ITGBL1: variants seen among roughly 807,000 people sequenced by gnomAD.
ITGBL1 encodes the protein integrin subunit beta like 1, also known as integrin beta-like protein 1.
Under a neutral mutation model 68.5 loss-of-function variants are expected in ITGBL1, and 51 were observed. The observed-to-expected ratio is 0.74, with a 90% CI of 0.59 to 0.94. ITGBL1 has a LOEUF of 0.94. Ranked by LOEUF, ITGBL1 falls within the 40% of genes least tolerant of loss-of-function variation. The probability of loss-of-function intolerance (pLI) is 0.00; values close to 1 mark genes in which losing one functional copy is unlikely to be tolerated. For synonymous variants in ITGBL1, 209 were observed against 227.3 expected, an observed-to-expected ratio of 0.92 and a Z score of 0.72; for missense variants, 649 against 647.4, an observed-to-expected ratio of 1.00 and a Z score of -0.03.
chr13:101,492,062 T>C (rs2048787482), intron 2 of ITGBL1, among the ~76,000 whole-genome samples: 1 of 152,228 alleles, frequency 6.6e-6, no homozygotes, highest in Admixed American at 6.5e-5. Flanking sequence ...TTCCAAGTCT[T>C]TGCTATTGTG....
At chr13:101,672,785 C>T (rs114283031) in intron 7 of ITGBL1, among the ~76,000 whole-genome samples, 178 of 152,194 alleles carry the variant, frequency 1.2e-3, no homozygotes, top group African/African-American at 3.6e-3. Context: ...TTAAACTTTC[C>T]GCTCCTTAAC....
chr13:101,620,783 A>G (rs1594935707), intron 7 of ITGBL1, among the ~76,000 whole-genome samples: 1 of 152,118 alleles, frequency 6.6e-6, no homozygotes, highest in Non-Finnish European at 1.5e-5. Context: ...TAAAACACGT[A>G]TGTCATCTAT....
At chr13:101,586,214 T>C (rs931280744) in intron 6 of ITGBL1, among the ~76,000 whole-genome samples, 8 of 152,220 alleles carry the variant, frequency 5.3e-5, no homozygotes, top group African/African-American at 1.9e-4. Context: ...TTCCTTTTTC[T>C]CACATTTTCC....
chr13:101,686,940 G>A lies in ITGBL1; in HGVS notation c.1016-5645G>A, dbSNP rs190334278. Reference sequence around the variant, plus strand: ...TTTTGAGATAGTTATATAGAAAATTGGGCTTAAGGTTAGAATGAGATAATG... The same window carrying A: ...TTTTGAGATAGTTATATAGAAAATTAGGCTTAAGGTTAGAATGAGATAATG... On this transcript the variant is annotated intron_variant, in intron 7 of 10. Transcript: ENST00000376180. 3.9e-4 allele frequency among the ~76,000 whole-genome samples: 60 copies of A among 152,110 alleles called. No homozygotes were observed. In the East Asian group the frequency reaches 0.011, roughly 27 times the overall value.
chr13:101,460,462 A>C (rs866325926), intron 2 of ITGBL1, among the ~76,000 whole-genome samples: 4 of 152,178 alleles, frequency 2.6e-5, no homozygotes, highest in South Asian at 2.1e-4. Context: ...GTGTTCGATA[A>C]ATGCATATTG....
At chr13:101,624,605 T>C (rs1031555205) in intron 7 of ITGBL1, among the ~76,000 whole-genome samples, 5 of 152,132 alleles carry the variant, frequency 3.3e-5, no homozygotes, top group Admixed American at 3.3e-4. Context: ...CTTTGCCGAG[T>C]CCTGACACAG....
chr13:101,530,964 A>G (rs1341354941), intron 2 of ITGBL1, among the ~76,000 whole-genome samples: 1 of 152,146 alleles, frequency 6.6e-6, no homozygotes, highest in Non-Finnish European at 1.5e-5. Context: ...AAGTAAAATC[A>G]TGTTCGAAAG....
intron 6 of ITGBL1, among the ~76,000 whole-genome samples, chr13:101,590,428 G>A (rs1437827576): frequency 2.6e-5 from 4 of 151,938 alleles, no homozygotes; most frequent in Non-Finnish European, 5.9e-5. Context: ...CTCCTGTGGG[G>A]CACGTCACTG....
At chr13:101,671,910 T>C (rs1274290016) in intron 7 of ITGBL1, among the ~76,000 whole-genome samples, 1 of 152,200 alleles carries the variant, frequency 6.6e-6, no homozygotes, top group East Asian at 1.9e-4. Context: ...CTGGAAATAT[T>C]GGCTATATTA....
At chr13:101,695,660 T>G (rs1280396684) in intron 8 of ITGBL1, among the ~76,000 whole-genome samples, 1 of 151,974 alleles carries the variant, frequency 6.6e-6, no homozygotes, top group Non-Finnish European at 1.5e-5. Flanking sequence ...ACAGTAAAGG[T>G]GGAGGATCTT....
At chr13:101,628,744 CTT>C (rs2031878813) in intron 7 of ITGBL1, among the ~76,000 whole-genome samples, 3 of 151,140 alleles carry the variant, frequency 2.0e-5, no homozygotes, top group African/African-American at 7.3e-5. Context: ...CCAGCCCTCT[CTT>C]GATATTTCAA....
At chr13:101,457,526 C>T (rs576018008) in intron 2 of ITGBL1, among the ~76,000 whole-genome samples, 26 of 152,282 alleles carry the variant, frequency 1.7e-4, no homozygotes, top group Non-Finnish European at 3.5e-4. Flanking sequence ...TCCACTTGTT[C>T]GTGGCACATG....
chr13:101,690,149 A>T (rs2033851234), intron 7 of ITGBL1, among the ~76,000 whole-genome samples: 1 of 152,224 alleles, frequency 6.6e-6, no homozygotes. Flanking sequence ...CTGATATTTT[A>T]AAAAGATATG....
At chr13:101,652,546 G>C (rs547788321) in intron 7 of ITGBL1, among the ~76,000 whole-genome samples, 1 of 152,272 alleles carries the variant, frequency 6.6e-6, no homozygotes, top group Non-Finnish European at 1.5e-5. Context: ...GCATACCTGT[G>C]ATTTCAGGAC....
chr13:101,692,575 TACTTTCCA>T lies in ITGBL1; in HGVS notation c.1016-9_1016-2del, dbSNP rs2033903859. The T allele has an allele frequency of 6.3e-7, 1 of 1,590,196 alleles. No homozygotes were observed. Among genetic ancestry groups the T allele is most frequent in the Non-Finnish European group, 8.6e-7 (1 of 1,158,426 alleles). On this transcript the variant is annotated splice_acceptor_variant and splice_polypyrimidine_tract_variant and intron_variant, in intron 7 of 10. Transcript: ENST00000376180. LOFTEE classifies it high-confidence loss of function. The stretch of plus-strand genomic sequence containing the variant: ...TCCTCATAAGTGTGCACTTTCTTTA[TACTTTCCA>T]GGTAAATGTGAATGTGGCAAATGCA...
intron 2 of ITGBL1, 77 bp from the exon 3 acceptor site, chr13:101,567,622 T>C: frequency 7.3e-7 from 1 of 1,368,394 alleles, no homozygotes; most frequent in Non-Finnish European, 1.0e-6. Flanking sequence ...TCAATGTCAC[T>C]GTTAAGAGTA....
chr13:101,453,740 C>G (rs1333001617), intron 1 of ITGBL1, 143 bp from the exon 2 acceptor site: 2 of 425,010 alleles, frequency 4.7e-6, no homozygotes, highest in Admixed American at 4.7e-5. Flanking sequence ...GCTTGGACCC[C>G]AGAGAGATGT....
At chr13:101,512,951 G>A (rs932758133) in intron 2 of ITGBL1, among the ~76,000 whole-genome samples, 1 of 152,062 alleles carries the variant, frequency 6.6e-6, no homozygotes, top group African/African-American at 2.4e-5. Context: ...GTTTGTGCTG[G>A]TGAATCGTTT....
At chr13:101,489,141 A>G (rs2048740631) in intron 2 of ITGBL1, among the ~76,000 whole-genome samples, 2 of 152,224 alleles carry the variant, frequency 1.3e-5, no homozygotes, top group Admixed American at 1.3e-4. Flanking sequence ...CTCTGTTTTA[A>G]AATGTGTTAC....
Sources: gnomAD v4.1 joint callset for allele counts (sites outside exome capture counted in the v4.1 genomes callset) on GRCh38, gnomAD v4.1.1 for gene constraint, MANE v1.5 for transcripts, NCBI Gene and HGNC (gene_info 2026-07-23, HGNC 2026-07-21) for gene names.